LDLRAD4: variants seen among roughly 807,000 people sequenced by gnomAD.
LDLRAD4 encodes low-density lipoprotein receptor class A domain-containing protein 4.
In LDLRAD4, 5 loss-of-function variants were observed where a neutral mutation model predicts 17.0. The ratio of observed to expected loss-of-function variants is 0.29; its 90% CI spans 0.15 to 0.62. LDLRAD4 has a LOEUF of 0.62. Among genes scored for constraint, LDLRAD4 ranks in the 20% least tolerant of loss-of-function variants. LDLRAD4 has a pLI of 0.84. For missense variants in LDLRAD4, 340 were observed against 424.7 expected (o/e 0.80, Z 1.75); for synonymous variants, 168 against 171.8 (o/e 0.98, Z 0.17).
At chr18:13,222,456 A>G (rs2041510585) in intron 1 of LDLRAD4, among the ~76,000 whole-genome samples, 1 of 152,222 alleles carries the variant, frequency 6.6e-6, no homozygotes, top group South Asian at 2.1e-4. Flanking sequence ...TTTATGTGAC[A>G]GTGCAAGTTG....
chr18:13,244,691 C>T (rs572589938), intron 1 of LDLRAD4, among the ~76,000 whole-genome samples: 1 of 152,240 alleles, frequency 6.6e-6, no homozygotes, highest in East Asian at 1.9e-4. Flanking sequence ...CTCTCCTTCC[C>T]TCTTCCCCCA....
chr18:13,595,246 CT>C (rs1229146845), intron 3 of LDLRAD4, among the ~76,000 whole-genome samples: 1 of 151,928 alleles, frequency 6.6e-6, no homozygotes, highest in Non-Finnish European at 1.5e-5. Flanking sequence ...TTATTTCCTT[CT>C]TTTTTTCTTG....
intron 3 of LDLRAD4, among the ~76,000 whole-genome samples, chr18:13,559,467 T>C (rs1054265788): frequency 2.6e-5 from 4 of 152,212 alleles, no homozygotes; most frequent in Non-Finnish European, 5.9e-5. Context: ...ATTATTAGTC[T>C]CTATTTGTCT....
At chr18:13,493,376 A>G (rs1181211728) in intron 3 of LDLRAD4, among the ~76,000 whole-genome samples, 1 of 152,184 alleles carries the variant, frequency 6.6e-6, no homozygotes, top group Non-Finnish European at 1.5e-5. Flanking sequence ...GGGACTTGTT[A>G]AATCATGGAG....
chr18:13,269,247 A>AATAGTGG (rs2146089375), intron 1 of LDLRAD4, among the ~76,000 whole-genome samples: 2 of 152,354 alleles, frequency 1.3e-5, no homozygotes, highest in African/African-American at 4.8e-5. Flanking sequence ...TTAACTAGTT[A>AATAGTGG]ATAGTGGCTC....
Position 13,609,246 on chromosome 18 carries a change from A to G in LDLRAD4, c.182-11871A>G, listed in dbSNP as rs145841473. 3.8e-4 allele frequency among the ~76,000 whole-genome samples: 58 copies of G among 152,340 alleles called. No individual in the cohort carries two copies. The East Asian group carries it at 9.4e-3, about 25-fold the overall frequency. On this transcript the variant is annotated intron_variant, in intron 3 of 5. Transcript: ENST00000359446. ...TTGGCAGCTCTCAGCTAAAATTCCC[A>G]GTGATGGACGTGCTGTCATGCAGCC... is the stretch of plus-strand genomic sequence containing the variant.
chr18:13,225,064 C>G (rs1261835170), intron 1 of LDLRAD4, among the ~76,000 whole-genome samples: 1 of 151,930 alleles, frequency 6.6e-6, no homozygotes. Context: ...TCTCACTCCT[C>G]ACCTCAAGTG....
intron 4 of LDLRAD4, among the ~76,000 whole-genome samples, chr18:13,636,663 A>AT (rs1433713643): frequency 1.3e-5 from 2 of 150,252 alleles, no homozygotes; most frequent in East Asian, 3.9e-4. Flanking sequence ...GCCCAGCTAA[A>AT]TTTTTTTTGT....
intron 3 of LDLRAD4, among the ~76,000 whole-genome samples, chr18:13,555,181 CATCCTGGGTGGG>C (rs904005885): frequency 2.0e-5 from 3 of 152,194 alleles, no homozygotes; most frequent in African/African-American, 7.2e-5. Context: ...GGTGATGAGA[CATCCTGGGTGGG>C]ATCCTGGGAC....
chr18:13,386,146 A>C (rs1288320335), intron 1 of LDLRAD4, among the ~76,000 whole-genome samples: 3 of 152,192 alleles, frequency 2.0e-5, no homozygotes, highest in Non-Finnish European at 4.4e-5. Flanking sequence ...TGATGATGAA[A>C]AAGAAGAATG....
At chr18:13,569,990 G>T (rs975577250) in intron 3 of LDLRAD4, among the ~76,000 whole-genome samples, 1 of 152,206 alleles carries the variant, frequency 6.6e-6, no homozygotes, top group African/African-American at 2.4e-5. Flanking sequence ...AAGCAAGACA[G>T]CTGATCCCCA....
chr18:13,623,572 A>G (rs1177856921), intron 4 of LDLRAD4, among the ~76,000 whole-genome samples: 1 of 152,234 alleles, frequency 6.6e-6, no homozygotes, highest in African/African-American at 2.4e-5. Context: ...ATGTTTCATA[A>G]AACACAAGAT....
chr18:13,275,844 G>A (rs1228666498), upstream of LDLRAD4, among the ~76,000 whole-genome samples: 2 of 152,208 alleles, frequency 1.3e-5, no homozygotes, highest in African/African-American at 4.8e-5. Flanking sequence ...TGACGGGGAT[G>A]TGGTTTTTGC....
At chr18:13,452,243 C>T (rs543807169) in intron 3 of LDLRAD4, among the ~76,000 whole-genome samples, 1 of 152,206 alleles carries the variant, frequency 6.6e-6, no homozygotes, top group South Asian at 2.1e-4. Flanking sequence ...TCAGAGTGTG[C>T]CCGGCACAGC....
intron 3 of LDLRAD4, among the ~76,000 whole-genome samples, chr18:13,498,606 T>C (rs371521896): frequency 6.3e-4 from 87 of 139,096 alleles, no homozygotes; most frequent in African/African-American, 2.1e-3. Context: ...CACGTCCTGC[T>C]GTGGACACTG....
chr18:13,520,899 G>A (rs1195206230), intron 3 of LDLRAD4: 2 of 152,070 alleles, frequency 1.3e-5, no homozygotes, highest in African/African-American at 2.4e-5. Flanking sequence ...GACAGGACAG[G>A]AAAGTCTTTG....
chr18:13,260,781 G>A (rs1016611017), intron 1 of LDLRAD4, among the ~76,000 whole-genome samples: 1 of 152,070 alleles, frequency 6.6e-6, no homozygotes, highest in Admixed American at 6.6e-5. Context: ...TGTTCCTTCC[G>A]GTGACTACCA....
intron 1 of LDLRAD4, among the ~76,000 whole-genome samples, chr18:13,251,992 G>T (rs576780710): frequency 6.6e-6 from 1 of 152,348 alleles, no homozygotes; most frequent in African/African-American, 2.4e-5. Flanking sequence ...AAACTGAAAA[G>T]AATGTCATTT....
At chr18:13,414,335 T>C (rs2145745268) in intron 2 of LDLRAD4, among the ~76,000 whole-genome samples, 1 of 152,342 alleles carries the variant, frequency 6.6e-6, no homozygotes, top group Non-Finnish European at 1.5e-5. Context: ...GGGTTACTGA[T>C]ACCCACCTCA....
Sources: allele counts gnomAD v4.1 joint callset (sites outside exome capture counted in the v4.1 genomes callset), GRCh38; gene constraint gnomAD v4.1.1; transcripts MANE v1.5; gene names NCBI Gene and HGNC (gene_info 2026-07-23, HGNC 2026-07-21).